Variants in SDCCAG8 observed in about 807,000 individuals in gnomAD.
SDCCAG8 encodes SHH signaling and ciliogenesis regulator SDCCAG8.
A neutral mutation model predicts 101.8 loss-of-function variants in SDCCAG8; 74 were observed. The observed-to-expected ratio is 0.73, with a 90% CI of 0.60 to 0.88. SDCCAG8 has a LOEUF of 0.88. Among genes scored for constraint, SDCCAG8 ranks in the 40% least tolerant of loss-of-function variants. The pLI is 0.00. For missense variants in SDCCAG8, 787 were observed against 822.6 expected (o/e 0.96, Z 0.53); for synonymous variants, 281 against 292.9 (o/e 0.96, Z 0.41).
chr1:243,464,945 G>A (rs1483500746), intron 16 of SDCCAG8, among the ~76,000 whole-genome samples: 1 of 152,190 alleles, frequency 6.6e-6, no homozygotes, highest in Non-Finnish European at 1.5e-5. Flanking sequence ...TATTTTAATT[G>A]AATCGACTGG....
chr1:243,381,896 G>A (rs933659749), intron 13 of SDCCAG8, among the ~76,000 whole-genome samples: 1 of 152,222 alleles, frequency 6.6e-6, no homozygotes, highest in Non-Finnish European at 1.5e-5. Context: ...CATAGGTGAA[G>A]GCGATAGTCA....
intron 13 of SDCCAG8, among the ~76,000 whole-genome samples, chr1:243,402,583 C>G (rs577826841): frequency 2.6e-5 from 4 of 152,172 alleles, no homozygotes; most frequent in Non-Finnish European, 5.9e-5. Flanking sequence ...TTTGCACTTA[C>G]AGCATGTCTT....
chr1:243,307,049 A>G (rs549526412), intron 7 of SDCCAG8, among the ~76,000 whole-genome samples: 58 of 151,290 alleles, frequency 3.8e-4, no homozygotes, highest in Non-Finnish European at 8.2e-4. Flanking sequence ...TTCAGCTAGA[A>G]AGTTTTTTTT....
At chr1:243,468,669 A>G (rs3006914) in intron 16 of SDCCAG8, among the ~76,000 whole-genome samples, 13,639 of 152,274 alleles carry the variant, frequency 0.09, 2,025 homozygotes, top group African/African-American at 0.31. Context: ...CCTGCATGAC[A>G]GAGGAAGACC....
chr1:243,272,323 A>G (rs377498056), intron 3 of SDCCAG8, among the ~76,000 whole-genome samples: 1 of 152,244 alleles, frequency 6.6e-6, no homozygotes, highest in Non-Finnish European at 1.5e-5. Flanking sequence ...ATATCAGAGT[A>G]TCACTCCCAT....
chr1:243,457,633 A>T (rs1396362592), intron 16 of SDCCAG8, among the ~76,000 whole-genome samples: 2 of 152,252 alleles, frequency 1.3e-5, no homozygotes, highest in East Asian at 3.8e-4. Context: ...CTGATGGTTG[A>T]TTTCAAAGTA....
At chr1:243,327,972 A>G (rs145860460) in intron 9 of SDCCAG8, among the ~76,000 whole-genome samples, 1,991 of 151,648 alleles carry the variant, frequency 0.013, 52 homozygotes, top group African/African-American at 0.046. Context: ...GTGCGATCTC[A>G]GCTCACTGCA....
intron 13 of SDCCAG8, among the ~76,000 whole-genome samples, chr1:243,380,126 A>T (rs1312938144): frequency 6.6e-6 from 1 of 152,214 alleles, no homozygotes; most frequent in Non-Finnish European, 1.5e-5. Flanking sequence ...ATAAATTATT[A>T]ATACATGTCT....
intron 13 of SDCCAG8, among the ~76,000 whole-genome samples, chr1:243,405,566 G>A (rs1558422449): frequency 6.6e-6 from 1 of 152,130 alleles, no homozygotes; most frequent in Non-Finnish European, 1.5e-5. Flanking sequence ...CAGTAAGTAT[G>A]CCTACCTTGT....
At chr1:243,422,249 T>C (rs2081063151) in intron 15 of SDCCAG8, among the ~76,000 whole-genome samples, 1 of 152,212 alleles carries the variant, frequency 6.6e-6, no homozygotes. Flanking sequence ...AGAGGAACAA[T>C]GGGAGTCCAT....
At chr1:243,356,568 G>A (rs895599481) in intron 12 of SDCCAG8, among the ~76,000 whole-genome samples, 3 of 151,796 alleles carry the variant, frequency 2.0e-5, no homozygotes, top group African/African-American at 7.3e-5. Context: ...AGGCAAACAT[G>A]ACCACCTATC....
chr1:243,417,896 C>CT, intron 14 of SDCCAG8, 72 bp from the exon 15 acceptor site: 1 of 1,079,030 alleles, frequency 9.3e-7, no homozygotes, highest in Non-Finnish European at 1.4e-6. Context: ...CTTTACCACT[C>CT]TATGTATGGA....
intron 11 of SDCCAG8, among the ~76,000 whole-genome samples, chr1:243,342,774 G>A (rs562120341): frequency 3.4e-4 from 51 of 151,806 alleles, no homozygotes; most frequent in Non-Finnish European, 4.9e-4. Flanking sequence ...TTTTGAAATC[G>A]GAGGAATAAA....
In SDCCAG8 at chr1:243,256,096, A is replaced by G; in HGVS notation, c.-78A>G. ...GGAAGCAGGCGGGCGCTCCCCGGCC[A>G]CAGGCCTGTTGTTCTCGGAAGGGAG... On this transcript the variant is annotated 5_prime_UTR_variant, in exon 1 of 18. Coordinates refer to ENST00000366541, the MANE Select transcript of SDCCAG8 (RefSeq NM_006642.5). 8 of 1,375,636 alleles carry G rather than the reference A, an allele frequency of 5.8e-6. No homozygotes were observed. The highest frequency in any genetic ancestry group is 8.3e-6 in the Non-Finnish European group (8 of 963,192). 85.2% of individuals were successfully genotyped at this position (1,375,636 alleles called of 1,614,324 possible).
chr1:243,274,490 G>A lies in SDCCAG8; in HGVS notation c.307-53G>A, dbSNP rs1042922680. On this transcript the variant is annotated intron_variant, in intron 3 of 17. Transcript: ENST00000366541. ...TGCTAAATCCAAACATGCTTAATTT[G>A]GCTTTTTAAAATTTATGTATTTATG... 4 of 1,043,100 alleles carry A rather than the reference G, an allele frequency of 3.8e-6. No homozygotes were observed. In the African/African-American group the frequency reaches 6.4e-5, roughly 17 times the overall value. The allele number at this position is 1,043,100 out of a possible 1,614,324, so 64.6% of individuals were successfully genotyped here. A position where few individuals can be genotyped will look rare whatever the true frequency, so the allele number is the denominator to read the frequency against.
chr1:243,286,922 C>A (rs1028616475), intron 5 of SDCCAG8, among the ~76,000 whole-genome samples: 1 of 152,142 alleles, frequency 6.6e-6, no homozygotes, highest in East Asian at 1.9e-4. Context: ...TCCTTTATTT[C>A]TTTATTGGTA....
Position 243,270,254 on chromosome 1 carries a change from G to A in SDCCAG8, c.217G>A (p.Ala73Thr). 1.2e-6 allele frequency: 2 copies of A among 1,614,044 alleles called. No individual in the cohort carries two copies. Among genetic ancestry groups the A allele is most frequent in the Non-Finnish European group, 1.7e-6 (2 of 1,179,974 alleles). ...CTGGCCCGAATTACAACAGAGCCATGCTGGTGAGTGTGAATGTCAATCCTA... is the reference window on the plus strand; with the variant it reads ...CTGGCCCGAATTACAACAGAGCCATACTGGTGAGTGTGAATGTCAATCCTA... ...TAWPELQQSH[A>T]VNQLKDLLRQ... Residue 73 changes from alanine to threonine, a missense_variant, in exon 2 of 18, where the codon GCT (alanine) becomes ACT (threonine). By Grantham distance (58) the Ala-to-Thr change is moderately conservative. Transcript: ENST00000366541.
At chr1:243,462,504 A>G (rs1014357733) in intron 16 of SDCCAG8, among the ~76,000 whole-genome samples, 27 of 152,380 alleles carry the variant, frequency 1.8e-4, no homozygotes, top group Non-Finnish European at 3.5e-4. Flanking sequence ...CTTGCTAACA[A>G]CTATGCAACC....
chr1:243,349,732 G>A (rs938990903), intron 12 of SDCCAG8, among the ~76,000 whole-genome samples: 1 of 152,148 alleles, frequency 6.6e-6, no homozygotes, highest in Admixed American at 6.5e-5. Flanking sequence ...GCTTGGATGG[G>A]AGTGTAAATA....
Sources: gnomAD v4.1 joint callset for allele counts (sites outside exome capture counted in the v4.1 genomes callset) on GRCh38, gnomAD v4.1.1 for gene constraint, MANE v1.5 for transcripts, NCBI Gene and HGNC (gene_info 2026-07-23, HGNC 2026-07-21) for gene names.